Variants in RAB11FIP3 observed in about 807,000 individuals in gnomAD.
The protein encoded by RAB11FIP3 is rab11 family-interacting protein 3.
RAB11FIP3 carries 17 observed loss-of-function variants against 77.8 expected under a neutral mutation model. The observed-to-expected ratio is 0.22, with a 90% CI of 0.15 to 0.33. RAB11FIP3 has a LOEUF of 0.33. Among genes scored for constraint, RAB11FIP3 ranks in the 10% least tolerant of loss-of-function variants. The probability of loss-of-function intolerance (pLI) is 1.00; values close to 1 mark genes in which losing one functional copy is unlikely to be tolerated. For synonymous variants in RAB11FIP3, 437 were observed against 448.2 expected, an observed-to-expected ratio of 0.98 and a Z score of 0.31; for missense variants, 1,005 against 1,011.2, an observed-to-expected ratio of 0.99 and a Z score of 0.08.
intron 1 of RAB11FIP3, among the ~76,000 whole-genome samples, chr16:459,309 A>G (rs889611574): frequency 2.6e-5 from 4 of 151,390 alleles, no homozygotes; most frequent in African/African-American, 9.7e-5. Context: ...TATTTTTAGT[A>G]GAGATGGGGT....
chr16:495,931 G>A (rs562828485), intron 5 of RAB11FIP3, among the ~76,000 whole-genome samples: 40 of 152,142 alleles, frequency 2.6e-4, no homozygotes, highest in Middle Eastern at 6.8e-3. Flanking sequence ...TGAATTTTTA[G>A]TAGAGACAGG....
At chr16:503,363 C>T (rs1596287721) in intron 7 of RAB11FIP3, among the ~76,000 whole-genome samples, 2 of 152,314 alleles carry the variant, frequency 1.3e-5, no homozygotes, top group African/African-American at 4.8e-5. Flanking sequence ...GAGTGAGCAC[C>T]CTCGGGTATC....
chr16:430,928 C>A lies in RAB11FIP3; in HGVS notation c.714+4208C>A, dbSNP rs113563579. On this transcript the variant is annotated intron_variant, in intron 1 of 13. Coordinates refer to ENST00000262305, the MANE Select transcript of RAB11FIP3 (RefSeq NM_014700.4). Reference sequence around the variant, plus strand: ...TATTGAACTCCCAGGCTCAAGCGACCGTCCTCGGGCCTCAGCCTCTCAAAG... The same window carrying A: ...TATTGAACTCCCAGGCTCAAGCGACAGTCCTCGGGCCTCAGCCTCTCAAAG... Among the ~76,000 whole-genome samples the A allele has an allele frequency of 7.6e-3, 1,164 of 152,328 alleles. 15 individuals carry two copies. The highest frequency in any genetic ancestry group is 0.02 in the Middle Eastern group (6 of 294).
At chr16:448,336 G>T (rs1482948414) in intron 1 of RAB11FIP3, among the ~76,000 whole-genome samples, 1 of 151,506 alleles carries the variant, frequency 6.6e-6, no homozygotes, top group East Asian at 1.9e-4. Context: ...GGGCGCAGTG[G>T]CTCATGCCTG....
intron 9 of RAB11FIP3, among the ~76,000 whole-genome samples, chr16:512,039 C>A (rs1383595189): frequency 2.6e-5 from 4 of 152,170 alleles, no homozygotes; most frequent in African/African-American, 9.7e-5. Flanking sequence ...GCCCGCCCAC[C>A]CCAGAACCGG....
rs770417739 is a variant in RAB11FIP3, at chr16:518,962, G to A, written c.1660G>A (p.Glu554Lys). 1 of 1,613,726 alleles carries A rather than the reference G, an allele frequency of 6.2e-7. No homozygotes were observed. Among genetic ancestry groups the A allele is most frequent in the South Asian group, 1.1e-5 (1 of 91,090 alleles). Reference sequence around the variant, plus strand: ...TCCCAGGCTACAGCAACTGGACGAGGAGAACAGTGAACTCCGGTCCTGCAC... The same window carrying A: ...TCCCAGGCTACAGCAACTGGACGAGAAGAACAGTGAACTCCGGTCCTGCAC... ...LQTRLQQLDE[E>K]NSELRSCTPC... The change falls in exon 10 of 14, where the codon GAG becomes AAG. Residue 554 changes from glutamate (E) to lysine (K), a missense_variant. This residue lies in a region of RAB11FIP3 where 433 missense variants were observed against 436.1 expected (regional missense o/e 0.99). Transcript: ENST00000262305.
intron 3 of RAB11FIP3, among the ~76,000 whole-genome samples, chr16:475,937 A>G (rs1314395336): frequency 6.6e-6 from 1 of 151,840 alleles, no homozygotes; most frequent in Non-Finnish European, 1.5e-5. Context: ...GCTCACTGCA[A>G]CCTCCACCTC....
intron 1 of RAB11FIP3, among the ~76,000 whole-genome samples, chr16:437,224 G>GCT (rs1437947662): frequency 2.6e-5 from 4 of 151,480 alleles, no homozygotes; most frequent in African/African-American, 4.9e-5. Flanking sequence ...GTTGCAGTGA[G>GCT]GCAAGATCGC....
intron 6 of RAB11FIP3, chr16:497,190 GC>G: frequency 1.9e-6 from 2 of 1,071,922 alleles, no homozygotes; most frequent in Non-Finnish European, 2.5e-6. Flanking sequence ...CCAGTGAGGA[GC>G]CTGGCTTCTC....
chr16:519,834 G>A lies in RAB11FIP3; in HGVS notation c.1803G>A (p.Gly601=). ...SEEQENKRRM[G]DRLSHERHQF... ...AGCAGGAGAACAAGAGGAGAATGGGGGACAGGCTGAGTCACGAGAGGCACC... is the reference window on the plus strand; with the variant it reads ...AGCAGGAGAACAAGAGGAGAATGGGAGACAGGCTGAGTCACGAGAGGCACC... The change falls in exon 11 of 14, where the codon GGG becomes GGA. Residue 601 remains glycine, a synonymous_variant. Transcript: ENST00000262305. 6.2e-7 allele frequency: 1 copy of A among 1,603,614 alleles called. No individual in the cohort carries two copies. The highest frequency in any genetic ancestry group is 8.5e-7 in the Non-Finnish European group (1 of 1,175,368).
chr16:489,153 T>G, intron 5 of RAB11FIP3, 153 bp downstream of exon 5: 34 of 885,142 alleles, frequency 3.8e-5, no homozygotes, highest in South Asian at 5.8e-5. Flanking sequence ...TTTAAATTTA[T>G]ACCTGGATTT....
chr16:493,768 G>A (rs1335202344), intron 5 of RAB11FIP3, among the ~76,000 whole-genome samples: 1 of 147,228 alleles, frequency 6.8e-6, no homozygotes, highest in Non-Finnish European at 1.5e-5. Context: ...CACCACACCT[G>A]GCTAACTTTT....
At position 521,006 on chromosome 16, in the gene RAB11FIP3, A is replaced by G. The variant is rs2032661872; in HGVS notation, c.*167A>G. Reference sequence around the variant, plus strand: ...GGGCCGCCAAAGACCGGGGCTGCCAAAGGGGCAGAGGGTGGTGGAGAGGAG... The same window carrying G: ...GGGCCGCCAAAGACCGGGGCTGCCAGAGGGGCAGAGGGTGGTGGAGAGGAG... On this transcript the variant is annotated 3_prime_UTR_variant, in exon 14 of 14. Transcript: ENST00000262305. 2 of 638,734 alleles carry G rather than the reference A, an allele frequency of 3.1e-6. No homozygotes were observed. The highest frequency in any genetic ancestry group is 3.7e-5 in the South Asian group (2 of 54,440). The allele number at this position is 638,734 out of a possible 1,614,324, so 39.6% of individuals were successfully genotyped here. A position where few individuals can be genotyped will look rare whatever the true frequency, so the allele number is the denominator to read the frequency against.
intron 3 of RAB11FIP3, among the ~76,000 whole-genome samples, chr16:474,030 G>A (rs2055856063): frequency 6.6e-6 from 1 of 152,032 alleles, no homozygotes; most frequent in South Asian, 2.1e-4. Flanking sequence ...TTAAGGGTGG[G>A]ATGTAATTTT....
intron 5 of RAB11FIP3, among the ~76,000 whole-genome samples, chr16:492,236 G>A (rs1244170073): frequency 1.3e-5 from 2 of 152,182 alleles, no homozygotes; most frequent in Admixed American, 1.3e-4. Flanking sequence ...TGAAGCACAG[G>A]GCCCCCAGCC....
chr16:443,006 A>G (rs1164314016), intron 1 of RAB11FIP3, among the ~76,000 whole-genome samples: 1 of 152,162 alleles, frequency 6.6e-6, no homozygotes, highest in Non-Finnish European at 1.5e-5. Flanking sequence ...CTTTTATGAG[A>G]AAGTCCATCC....
At chr16:433,515 G>T (rs575297720) in intron 1 of RAB11FIP3, among the ~76,000 whole-genome samples, 1 of 151,516 alleles carries the variant, frequency 6.6e-6, no homozygotes, top group African/African-American at 2.4e-5. Flanking sequence ...TTCCTTCCAC[G>T]TTGCTGCAAA....
intron 1 of RAB11FIP3, among the ~76,000 whole-genome samples, chr16:450,838 C>T (rs192244044): frequency 6.1e-5 from 8 of 130,354 alleles, no homozygotes; most frequent in Non-Finnish European, 9.8e-5. Context: ...CCTCCCTCCC[C>T]GCCCCCCACC....
chr16:450,472 G>A (rs1253857980), intron 1 of RAB11FIP3, among the ~76,000 whole-genome samples: 1 of 152,094 alleles, frequency 6.6e-6, no homozygotes, highest in African/African-American at 2.4e-5. Flanking sequence ...GACCCACCAC[G>A]CCCAACCAAG....
Sources: gnomAD v4.1 joint callset for allele counts (sites outside exome capture counted in the v4.1 genomes callset) on GRCh38, gnomAD v4.1.1 for gene constraint, gnomAD v4.1.1 regional missense constraint, MANE v1.5 for transcripts, NCBI Gene and HGNC (gene_info 2026-07-23, HGNC 2026-07-21) for gene names.